The following CSMD1 variants were observed in gnomAD, a reference collection of about 807,000 sequenced individuals.
CSMD1 encodes CUB and sushi domain-containing protein 1.
A neutral mutation model predicts 417.5 loss-of-function variants in CSMD1; 213 were observed. The ratio of observed to expected loss-of-function variants is 0.51; its 90% CI spans 0.46 to 0.57. The LOEUF is 0.57. Among genes scored for constraint, CSMD1 ranks in the 20% least tolerant of loss-of-function variants. The pLI is 0.00. For missense variants in CSMD1, 6,923 were observed against 4,529.7 expected (o/e 1.53, Z -15.17); for synonymous variants, 2,862 against 1,736.8 (o/e 1.65, Z -16.11).
At chr8:4,114,167 A>G (rs1479717534) in intron 3 of CSMD1, among the ~76,000 whole-genome samples, 1 of 152,156 alleles carries the variant, frequency 6.6e-6, no homozygotes, top group Non-Finnish European at 1.5e-5. Context: ...ACTTCAAAGG[A>G]CAGCCTGACT....
chr8:2,970,599 T>A (rs1477753216), intron 57 of CSMD1, among the ~76,000 whole-genome samples: 2 of 152,182 alleles, frequency 1.3e-5, no homozygotes, highest in African/African-American at 4.8e-5. Context: ...ATATTTTAAA[T>A]TTCAATTAAA....
At chr8:3,180,970 T>A in intron 37 of CSMD1, 140 bp downstream of exon 37, 2 of 636,400 alleles carry the variant, frequency 3.1e-6, no homozygotes, top group Middle Eastern at 8.1e-4. Context: ...CCAGATTTCA[T>A]AACACTAAAT....
chr8:3,577,921 A>G lies in CSMD1; in HGVS notation c.1223-2855T>C, dbSNP rs140153719. Among the ~76,000 whole-genome samples the G allele has an allele frequency of 3.5e-3, 533 of 152,136 alleles. 3 individuals carry two copies. The highest frequency in any genetic ancestry group is 0.012 in the African/African-American group (504 of 41,512). ...TAAGTTCAGCCGTGCATGTGTAGAG[A>G]CCTTATTAAACAACCACCCTGTGGC... On this transcript the variant is annotated intron_variant, in intron 9 of 69. Transcript: ENST00000635120.
intron 12 of CSMD1, among the ~76,000 whole-genome samples, chr8:3,456,490 A>T (rs1006241534): frequency 2.0e-5 from 3 of 152,172 alleles, no homozygotes; most frequent in Non-Finnish European, 4.4e-5. Flanking sequence ...CATAACACTG[A>T]AGGCCTTGTG....
At chr8:3,696,713 T>C (rs1483797941) in intron 7 of CSMD1, among the ~76,000 whole-genome samples, 1 of 152,170 alleles carries the variant, frequency 6.6e-6, no homozygotes, top group Non-Finnish European at 1.5e-5. Context: ...AATTGTCCAT[T>C]TTAATCGTTA....
At chr8:4,010,430 T>C (rs903623819) in intron 4 of CSMD1, among the ~76,000 whole-genome samples, 1 of 152,146 alleles carries the variant, frequency 6.6e-6, no homozygotes, top group African/African-American at 2.4e-5. Context: ...CATTTCAATG[T>C]CAACACAGGT....
chr8:3,734,980 G>T (rs1012165368), intron 6 of CSMD1, among the ~76,000 whole-genome samples: 2 of 152,184 alleles, frequency 1.3e-5, no homozygotes, highest in Non-Finnish European at 2.9e-5. Context: ...GAGAGCAATA[G>T]CTCCCCTGTG....
chr8:4,079,430 T>C (rs1446383890), intron 3 of CSMD1, among the ~76,000 whole-genome samples: 3 of 152,206 alleles, frequency 2.0e-5, no homozygotes, highest in Non-Finnish European at 4.4e-5. Flanking sequence ...AAACAGGATA[T>C]AGAACACCAT....
intron 1 of CSMD1, among the ~76,000 whole-genome samples, chr8:4,756,403 G>T (rs972341826): frequency 1.3e-5 from 2 of 152,126 alleles, no homozygotes; most frequent in African/African-American, 4.8e-5. Context: ...CGACCAAGTT[G>T]AAGAACAGTG....
intron 15 of CSMD1, among the ~76,000 whole-genome samples, chr8:3,402,374 G>T (rs573638993): frequency 5.9e-5 from 9 of 151,928 alleles, no homozygotes; most frequent in Non-Finnish European, 1.2e-4. Flanking sequence ...CAGACTTTAA[G>T]CTTTGCTGCC....
chr8:4,882,603 T>C (rs1803484886), intron 1 of CSMD1, among the ~76,000 whole-genome samples: 1 of 151,922 alleles, frequency 6.6e-6, no homozygotes, highest in Non-Finnish European at 1.5e-5. Flanking sequence ...TAGAGAAAGA[T>C]GCAATGAGGT....
intron 68 of CSMD1, among the ~76,000 whole-genome samples, chr8:2,943,966 G>C (rs1802054913): frequency 6.6e-6 from 1 of 152,142 alleles, no homozygotes; most frequent in Non-Finnish European, 1.5e-5. Context: ...ATCATTATTT[G>C]TATCAACACC....
intron 1 of CSMD1, among the ~76,000 whole-genome samples, chr8:4,824,905 T>G (rs894060824): frequency 6.6e-6 from 1 of 152,128 alleles, no homozygotes; most frequent in African/African-American, 2.4e-5. Context: ...GGGCTGTTAC[T>G]GCTACACAAA....
rs145661294 is a variant in CSMD1, at chr8:4,080,926, G to A, written c.416-48827C>T. Among the ~76,000 whole-genome samples, 631 of 152,234 alleles carry A rather than the reference G, an allele frequency of 4.1e-3. 6 individuals are homozygous for A. The highest frequency in any genetic ancestry group is 0.014 in the African/African-American group (592 of 41,556). On this transcript the variant is annotated intron_variant, in intron 3 of 69. Transcript: ENST00000635120. The stretch of plus-strand genomic sequence containing the variant: ...TATTAAGAGGCAGGGCCTTTGTGAG[G>A]TGATTAGGCTCTGGGGACTCTACCC...
At chr8:4,434,197 G>A (rs1419717558) in intron 2 of CSMD1, among the ~76,000 whole-genome samples, 1 of 152,074 alleles carries the variant, frequency 6.6e-6, no homozygotes, top group Non-Finnish European at 1.5e-5. Flanking sequence ...AATTATCCAG[G>A]CATGGTAATG....
At chr8:4,173,062 T>A (rs146444803) in intron 3 of CSMD1, among the ~76,000 whole-genome samples, 33 of 152,264 alleles carry the variant, frequency 2.2e-4, no homozygotes, top group Non-Finnish European at 4.1e-4. Flanking sequence ...TGCCCAGCAA[T>A]AAATAACTTC....
intron 1 of CSMD1, among the ~76,000 whole-genome samples, chr8:4,642,628 T>A (rs1404931899): frequency 1.3e-5 from 2 of 152,192 alleles, no homozygotes; most frequent in Non-Finnish European, 2.9e-5. Flanking sequence ...TCTCAGAAAG[T>A]AGTAGAGGTG....
intron 9 of CSMD1, among the ~76,000 whole-genome samples, chr8:3,583,230 G>C (rs1369154447): frequency 1.3e-5 from 2 of 151,890 alleles, no homozygotes; most frequent in Non-Finnish European, 2.9e-5. Context: ...TAGTGGATTT[G>C]CTTCTCTGCT....
chr8:3,984,778 T>G (rs971413754), intron 5 of CSMD1, among the ~76,000 whole-genome samples: 6 of 145,252 alleles, frequency 4.1e-5, no homozygotes, highest in Non-Finnish European at 6.0e-5. Context: ...CGTGTGTGTG[T>G]GTGTGTGGGT....
Sources: allele counts gnomAD v4.1 joint callset (sites outside exome capture counted in the v4.1 genomes callset), GRCh38; gene constraint gnomAD v4.1.1; transcripts MANE v1.5; gene names NCBI Gene and HGNC (gene_info 2026-07-23, HGNC 2026-07-21).